Variants in RNF135 observed in about 807,000 individuals in gnomAD.
The protein encoded by RNF135 is ring finger protein 135.
A neutral mutation model predicts 41.9 loss-of-function variants in RNF135; 46 were observed. The observed-to-expected ratio is 1.10, with a 90% CI of 0.87 to 1.40. The LOEUF is 1.40. Ranked by LOEUF, RNF135 falls within the 40% of genes most tolerant of loss-of-function variation. The probability of loss-of-function intolerance (pLI) is 0.00; values close to 1 mark genes in which losing one functional copy is unlikely to be tolerated. For missense variants in RNF135, 539 were observed against 549.8 expected (o/e 0.98, Z 0.20); for synonymous variants, 238 against 223.8 (o/e 1.06, Z -0.57).
chr17:30,992,511 G>A (rs1197843256), intron 3 of RNF135, among the ~76,000 whole-genome samples: 2 of 151,892 alleles, frequency 1.3e-5, no homozygotes, highest in Non-Finnish European at 2.9e-5. Context: ...TGTTTCCCAG[G>A]GTGGAGTGCA....
At chr17:30,985,897 C>G (rs777019887) in intron 2 of RNF135, among the ~76,000 whole-genome samples, 1 of 152,164 alleles carries the variant, frequency 6.6e-6, no homozygotes, top group African/African-American at 2.4e-5. Context: ...CACAGTCGCT[C>G]TAGTGTGTCT....
rs761989617 is a variant in RNF135 at position 30,971,380 on chromosome 17, TGCCCGG to T, written c.310_315del (p.Pro104_Gly105del). Reference sequence around the variant, plus strand: ...GGGCTCCGACCCTGCCCACTGCCCCTGCCCGGGCTCCAGTTCCCTCTCCAGCGCGGC... The same window carrying T: ...GGGCTCCGACCCTGCCCACTGCCCCTGCTCCAGTTCCCTCTCCAGCGCGGC... On this transcript the variant is annotated inframe_deletion, in exon 1 of 5. Transcript: ENST00000328381. The T allele has an allele frequency of 4.6e-6, 7 of 1,526,608 alleles. No individual in the cohort carries two copies. In the African/African-American group the frequency reaches 1.0e-4, roughly 22 times the overall value. 94.6% of individuals were successfully genotyped at this position (1,526,608 alleles called of 1,614,324 possible). A position where few individuals can be genotyped will look rare whatever the true frequency, so the allele number is the denominator to read the frequency against.
chr17:30,969,728 CTTTT>C (rs951794107), upstream of RNF135, among the ~76,000 whole-genome samples: 1 of 147,996 alleles, frequency 6.8e-6, no homozygotes, highest in Non-Finnish European at 1.5e-5. Flanking sequence ...ACCACAAACG[CTTTT>C]TTTTCTTTCT....
chr17:30,993,973 T>G, intron 3 of RNF135: 1 of 494,472 alleles, frequency 2.0e-6, no homozygotes, highest in Non-Finnish European at 3.5e-6. Flanking sequence ...TCAGCTAATT[T>G]TTTGTACTTT....
chr17:30,976,040 T>C (rs1249083259), intron 1 of RNF135: 4 of 258,282 alleles, frequency 1.5e-5, no homozygotes, highest in Non-Finnish European at 3.0e-5. Flanking sequence ...GGCGTCTCGC[T>C]CTGTTGCCAG....
At chr17:30,964,115 C>T in the RNF135 span, among the ~76,000 whole-genome samples, 6 of 152,160 alleles carry the variant, frequency 3.9e-5, no homozygotes, top group South Asian at 2.1e-4. Flanking sequence ...AGGCTGGGCT[C>T]GGTGGCTCAC....
At chr17:30,962,551 C>T in the RNF135 span, among the ~76,000 whole-genome samples, 3 of 151,878 alleles carry the variant, frequency 2.0e-5, no homozygotes, top group Non-Finnish European at 4.4e-5. Context: ...CTGCAAGCTC[C>T]GCCTCTTGGG....
chr17:30,967,868 A>AT (rs531777023), upstream of RNF135, among the ~76,000 whole-genome samples: 20 of 150,854 alleles, frequency 1.3e-4, no homozygotes, highest in Non-Finnish European at 2.4e-4. Flanking sequence ...CGCCCAGCTA[A>AT]TTTTTTTTTG....
At chr17:30,985,308 C>T (rs1172047347) in intron 2 of RNF135, among the ~76,000 whole-genome samples, 1 of 152,210 alleles carries the variant, frequency 6.6e-6, no homozygotes, top group Admixed American at 6.5e-5. Flanking sequence ...ATAATAGCTC[C>T]AGGCTGGAGC....
chr17:30,996,698 C>A (rs996616435), intron 3 of RNF135, among the ~76,000 whole-genome samples: 5 of 152,192 alleles, frequency 3.3e-5, no homozygotes, highest in Non-Finnish European at 7.3e-5. Context: ...TATCATCTGC[C>A]TGACGTGGTC....
At chr17:30,998,604 C>G (rs992234710) in intron 4 of RNF135, 58 bp from the exon 5 acceptor site, 4 of 1,554,016 alleles carry the variant, frequency 2.6e-6, no homozygotes, top group Non-Finnish European at 3.5e-6. Flanking sequence ...GACTTCTTAG[C>G]ATGGACCATC....
intron 1 of RNF135, chr17:30,973,056 G>C (rs1433775103): frequency 1.3e-5 from 2 of 152,236 alleles, no homozygotes; most frequent in Non-Finnish European, 2.9e-5. Context: ...TTACAGGCGT[G>C]AGCCACCGCA....
At chr17:30,978,606 T>A (rs1160565457) in intron 1 of RNF135, 6 of 151,038 alleles carry the variant, frequency 4.0e-5, no homozygotes, top group Admixed American at 3.3e-4. Flanking sequence ...TTATTTATTT[T>A]TTATTTTTTA....
At chr17:30,994,093 C>T (rs1567748827) in intron 3 of RNF135, among the ~76,000 whole-genome samples, 1 of 152,190 alleles carries the variant, frequency 6.6e-6, no homozygotes, top group Non-Finnish European at 1.5e-5. Context: ...GCGTGAGCCA[C>T]GGTGCCCAGC....
intron 3 of RNF135, among the ~76,000 whole-genome samples, chr17:30,992,393 A>T (rs1908048818): frequency 6.7e-6 from 1 of 149,180 alleles, no homozygotes; most frequent in African/African-American, 2.5e-5. Flanking sequence ...TTTTTTAGAG[A>T]CAATAGACAG....
intron 3 of RNF135, among the ~76,000 whole-genome samples, chr17:30,995,517 G>T (rs1908297178): frequency 6.6e-6 from 1 of 152,072 alleles, no homozygotes; most frequent in Non-Finnish European, 1.5e-5. Context: ...ATAAGCATGG[G>T]CCACCATGCC....
At chr17:30,984,862 A>C (rs1464420027) in intron 2 of RNF135, 102 bp downstream of exon 2, 9 of 1,258,002 alleles carry the variant, frequency 7.2e-6, no homozygotes, top group Non-Finnish European at 1.0e-5. Flanking sequence ...GGATACAATA[A>C]GTCTCAATCT....
chr17:30,988,166 G>A, intron 3 of RNF135, 60 bp downstream of exon 3: 1 of 1,506,678 alleles, frequency 6.6e-7, no homozygotes, highest in Non-Finnish European at 9.2e-7. Flanking sequence ...GAGTAGCAGA[G>A]TGCTCTATGG....
intron 3 of RNF135, among the ~76,000 whole-genome samples, chr17:30,996,367 T>G (rs1003153221): frequency 1.5e-4 from 23 of 152,054 alleles, no homozygotes; most frequent in African/African-American, 5.5e-4. Flanking sequence ...GGATTACAGG[T>G]GTGAACCACT....
Sources: allele counts gnomAD v4.1 joint callset (sites outside exome capture counted in the v4.1 genomes callset), GRCh38; gene constraint gnomAD v4.1.1; transcripts MANE v1.5; gene names NCBI Gene and HGNC (gene_info 2026-07-23, HGNC 2026-07-21).